PCDHA1: variants seen among roughly 807,000 people sequenced by gnomAD.
The protein encoded by PCDHA1 is protocadherin alpha 1, also known as protocadherin alpha-1.
PCDHA1 carries 42 observed loss-of-function variants against 61.3 expected under a neutral mutation model. That is an observed-to-expected ratio of 0.69 (90% CI 0.54 to 0.89). PCDHA1 has a LOEUF of 0.89. Ranked by LOEUF, PCDHA1 falls within the 40% of genes least tolerant of loss-of-function variation. The pLI, the probability that PCDHA1 is intolerant of heterozygous loss-of-function variation, is 0.00. For missense variants in PCDHA1, 1,256 were observed against 1,235.3 expected, an observed-to-expected ratio of 1.02 and a Z score of -0.25; for synonymous variants, 610 against 553.8, an observed-to-expected ratio of 1.10 and a Z score of -1.43.
At chr5:140,861,094 C>G (rs1554154151) in intron 1 of PCDHA1, 1 of 152,400 alleles carries the variant, frequency 6.6e-6, no homozygotes, top group African/African-American at 2.4e-5. Context: ...CTCCATTGTT[C>G]CTGTACTTTA....
At chr5:140,875,662 T>C (rs782787124) in intron 1 of PCDHA1, 32 of 1,613,752 alleles carry the variant, frequency 2.0e-5, no homozygotes, top group Non-Finnish European at 2.6e-5. Context: ...GCCGCGCCTG[T>C]TCCGGGTGGC....
At chr5:140,807,961 A>G in intron 1 of PCDHA1, 1 of 1,614,080 alleles carries the variant, frequency 6.2e-7, no homozygotes, top group Non-Finnish European at 8.5e-7. Context: ...TTCCTAATGG[A>G]ACATTGGTAA....
rs782044159 is a variant in PCDHA1 at position 140,883,367 on chromosome 5, G to T, written c.2394+94683G>T. On this transcript the variant is annotated intron_variant, in intron 1 of 3. Transcript: ENST00000504120. Reference sequence around the variant, plus strand: ...CATCAGAGAAGACACTCAGCCTAGCGCCATTATTGCCCTAATCAGTGTGTC... The same window carrying T: ...CATCAGAGAAGACACTCAGCCTAGCTCCATTATTGCCCTAATCAGTGTGTC... The T allele has an allele frequency of 5.6e-6, 9 of 1,614,006 alleles. No homozygotes were observed. Among genetic ancestry groups the T allele is most frequent in the Non-Finnish European group, 7.6e-6 (9 of 1,180,038 alleles).
intron 1 of PCDHA1, among the ~76,000 whole-genome samples, chr5:140,950,918 G>C (rs1229704497): frequency 6.6e-6 from 1 of 151,584 alleles, no homozygotes; most frequent in African/African-American, 2.4e-5. Context: ...TTTTATTTCA[G>C]TTCTTTTTCT....
chr5:140,846,981 G>T (rs1054383411), intron 1 of PCDHA1, among the ~76,000 whole-genome samples: 3 of 149,582 alleles, frequency 2.0e-5, no homozygotes, highest in Admixed American at 1.3e-4. Flanking sequence ...AAATAAGTAA[G>T]TTCCCCCCGG....
chr5:140,820,048 A>G (rs1464313684), intron 1 of PCDHA1, among the ~76,000 whole-genome samples: 1 of 151,984 alleles, frequency 6.6e-6, no homozygotes, highest in Non-Finnish European at 1.5e-5. Context: ...TTACTGTTAT[A>G]TAATAGAAAG....
chr5:140,999,574 A>G (rs2097863527), intron 3 of PCDHA1, among the ~76,000 whole-genome samples: 1 of 152,170 alleles, frequency 6.6e-6, no homozygotes, highest in South Asian at 2.1e-4. Context: ...AAGAGACTAT[A>G]AAGGGAAATT....
At chr5:140,993,673 TG>T (rs2097577380) in intron 3 of PCDHA1, among the ~76,000 whole-genome samples, 1 of 152,322 alleles carries the variant, frequency 6.6e-6, no homozygotes, top group East Asian at 1.9e-4. Context: ...GGACCACATA[TG>T]TGACAGCTGT....
rs1554263792 is a variant in PCDHA1 at position 141,012,059 on chromosome 5, C to T, written c.*2122C>T. 1 of 153,718 alleles carries T rather than the reference C, an allele frequency of 6.5e-6. No individual in the cohort carries two copies. The highest frequency in any genetic ancestry group is 1.5e-5 in the Non-Finnish European group (1 of 68,036). The allele number at this position is 153,718 out of a possible 1,614,324, so 9.5% of individuals were successfully genotyped here. A position where few individuals can be genotyped will look rare whatever the true frequency, so the allele number is the denominator to read the frequency against. ...TGCATGGGGTAAAACTTGTTACCAA[C>T]ACATGTGAACCATTGCTACATTGTA... On this transcript the variant is annotated 3_prime_UTR_variant, in exon 4 of 4. Transcript: ENST00000504120.
chr5:140,809,010 C>T lies in PCDHA1; in HGVS notation c.2394+20326C>T, dbSNP rs267600386. On this transcript the variant is annotated intron_variant, in intron 1 of 3. Transcript: ENST00000504120. ...GACTCGGGCTACAACGCGTGGCTTT[C>T]GTACGAGCTGCAGCCGGGGACTGGT... 2.5e-6 allele frequency: 4 copies of T among 1,613,664 alleles called. No homozygotes were observed. In the South Asian group the frequency reaches 3.3e-5, roughly 13 times the overall value.
intron 1 of PCDHA1, among the ~76,000 whole-genome samples, chr5:140,954,835 A>G (rs1256515583): frequency 1.3e-5 from 2 of 152,146 alleles, no homozygotes; most frequent in Admixed American, 6.5e-5. Flanking sequence ...TTTTGTCATG[A>G]AATCTTTGCC....
Position 140,835,992 on chromosome 5 carries a change from G to A in PCDHA1, c.2394+47308G>A, listed in dbSNP as rs2150249786. 2.2e-5 allele frequency: 35 copies of A among 1,613,332 alleles called. No homozygotes were observed. The African/African-American group carries it at 4.4e-4, about 20-fold the overall frequency. ...GGAGCTGTTGCAGTTCCAGGTGAGC[G>A]CGCGCGATGCGGGCGTGCCGCCTCT... On this transcript the variant is annotated intron_variant, in intron 1 of 3. Transcript: ENST00000504120.
chr5:140,967,566 G>A, intron 1 of PCDHA1: 2 of 1,614,060 alleles, frequency 1.2e-6, no homozygotes, highest in South Asian at 2.2e-5. Context: ...GTCCAGCTAC[G>A]GGAGGACTCA....
At chr5:140,884,075 T>C (rs2059980601) in intron 1 of PCDHA1, 1 of 1,613,342 alleles carries the variant, frequency 6.2e-7, no homozygotes, top group South Asian at 1.1e-5. Context: ...CGATTCGGGC[T>C]ACAATGCGTG....
intron 1 of PCDHA1, chr5:140,802,825 C>T (rs374629500): frequency 2.5e-6 from 4 of 1,613,590 alleles, no homozygotes; most frequent in Non-Finnish European, 2.5e-6. Context: ...GCGGGCGTGC[C>T]GCCTCTGGGC....
chr5:140,968,927 T>C (rs1554231254), intron 1 of PCDHA1: 3 of 1,614,090 alleles, frequency 1.9e-6, no homozygotes, highest in African/African-American at 1.3e-5. Flanking sequence ...TATATTTCTT[T>C]TGACAATCAT....
chr5:141,006,441 C>T (rs2098274470), intron 3 of PCDHA1, among the ~76,000 whole-genome samples: 1 of 152,110 alleles, frequency 6.6e-6, no homozygotes, highest in Non-Finnish European at 1.5e-5. Flanking sequence ...TCTCAATCTC[C>T]TGACCTCGAG....
intron 3 of PCDHA1, among the ~76,000 whole-genome samples, chr5:140,990,966 A>G (rs2097424130): frequency 6.6e-6 from 1 of 152,214 alleles, no homozygotes; most frequent in Non-Finnish European, 1.5e-5. Context: ...GTCTCTTAGA[A>G]CAAGAGAAAG....
chr5:140,861,476 C>A, intron 1 of PCDHA1: 2 of 493,220 alleles, frequency 4.1e-6, no homozygotes, highest in Admixed American at 2.1e-5. Flanking sequence ...TGCAGAATGG[C>A]ATTTTTGTGA....
Sources: gnomAD v4.1 joint callset for allele counts (sites outside exome capture counted in the v4.1 genomes callset) on GRCh38, gnomAD v4.1.1 for gene constraint, MANE v1.5 for transcripts, NCBI Gene and HGNC (gene_info 2026-07-23, HGNC 2026-07-21) for gene names.